The following PHLDB1 variants were observed in gnomAD, a reference collection of about 807,000 sequenced individuals.
The protein encoded by PHLDB1 is pleckstrin homology like domain family B member 1.
PHLDB1 carries 65 observed loss-of-function variants against 139.3 expected under a neutral mutation model. The ratio of observed to expected loss-of-function variants is 0.47; its 90% CI spans 0.38 to 0.57. The LOEUF (loss-of-function observed/expected upper bound fraction) is 0.57. PHLDB1 is among the 20% of genes least tolerant of loss of function. The pLI is 0.00. For synonymous variants in PHLDB1, 679 were observed against 734.5 expected, an observed-to-expected ratio of 0.92 and a Z score of 1.22; for missense variants, 1,624 against 1,839.7, an observed-to-expected ratio of 0.88 and a Z score of 2.14.
chr11:118,611,262 CTGGGGCCACAG>C lies in PHLDB1; in HGVS notation c.-21-2553_-21-2543del, dbSNP rs1483217980. Among the ~76,000 whole-genome samples the C allele has an allele frequency of 6.6e-6, 1 of 152,224 alleles. No homozygotes were observed. Among genetic ancestry groups the C allele is most frequent in the Non-Finnish European group, 1.5e-5 (1 of 68,032 alleles). On this transcript the variant is annotated intron_variant, in intron 1 of 22. Transcript: ENST00000600882. The surrounding 1 kb of genome is among the most constrained non-coding windows in gnomAD (Gnocchi z 4.7). The stretch of plus-strand genomic sequence containing the variant: ...ACTTCTCTTGGATCAGGTTACTGTG[CTGGGGCCACAG>C]CCTCGCACCTCCCAATCTCTCCATC...
intron 18 of PHLDB1, among the ~76,000 whole-genome samples, 194 bp downstream of exon 18, chr11:118,648,270 TGTGTGTG>T (rs1163732480): frequency 6.5e-3 from 20 of 3,088 alleles, no homozygotes; most frequent in South Asian, 0.028. Context: ...CTATTCAAGT[TGTGTGTG>T]TGTGTGTGTG....
intron 15 of PHLDB1, chr11:118,644,611 T>G: frequency 2.4e-6 from 3 of 1,263,032 alleles, no homozygotes; most frequent in Non-Finnish European, 2.1e-6. Flanking sequence ...CCTCTGTGTC[T>G]CTACCGTACC....
Position 118,632,787 on chromosome 11 carries a change from C to T in PHLDB1, c.2379+491C>T. Reference sequence around the variant, plus strand: ...CCTCCCATCCCAGGTGATCCTAGCTCCTGCCCCTGCCCCTTTCAGATTTCG... The same window carrying T: ...CCTCCCATCCCAGGTGATCCTAGCTTCTGCCCCTGCCCCTTTCAGATTTCG... On this transcript the variant is annotated intron_variant, in intron 9 of 22. Coordinates refer to ENST00000600882, the MANE Select transcript of PHLDB1 (RefSeq NM_001144758.3). This position sits in a 1 kb window ranked among gnomAD's most constrained non-coding sequence, Gnocchi z 5.9. 1.1e-6 allele frequency: 1 copy of T among 882,544 alleles called. No homozygotes were observed. The allele number at this position is 882,544 out of a possible 1,614,324, so 54.7% of individuals were successfully genotyped here. A position where few individuals can be genotyped will look rare whatever the true frequency, so the allele number is the denominator to read the frequency against.
Position 118,627,543 on chromosome 11 carries a change from C to T in PHLDB1, c.720C>T (p.Gly240=), listed in dbSNP as rs200250236. ...RYLLSPPTSP[G]AMSVGSSYEN... ...TGCTGTCTCCCCCAACCAGCCCCGGCGCCATGTCTGTGGGCTCCAGCTATG... is the reference window on the plus strand; with the variant it reads ...TGCTGTCTCCCCCAACCAGCCCCGGTGCCATGTCTGTGGGCTCCAGCTATG... The change falls in exon 6 of 23, where the codon GGC becomes GGT. Residue 240 remains glycine, a synonymous_variant. Coordinates refer to ENST00000600882, the MANE Select transcript of PHLDB1 (RefSeq NM_001144758.3). 68 of 1,613,996 alleles carry T rather than the reference C, an allele frequency of 4.2e-5. 1 individual carries two copies. Among genetic ancestry groups the T allele is most frequent in the South Asian group, 2.2e-4 (20 of 91,088 alleles).
At chr11:118,625,933 C>T (rs1159450490) in intron 5 of PHLDB1, among the ~76,000 whole-genome samples, 1 of 152,200 alleles carries the variant, frequency 6.6e-6, no homozygotes, top group African/African-American at 2.4e-5. Flanking sequence ...GGCTCAGAAG[C>T]CTGGGTTCCC....
At chr11:118,607,350 GGTGGTGGTGGTGGTGGTGGTGGTGGTGGT>G (rs1939356359), upstream of PHLDB1, among the ~76,000 whole-genome samples, 2 of 49,020 alleles carry the variant, frequency 4.1e-5, no homozygotes, top group African/African-American at 2.4e-4. Context: ...TGGTGGTGGT[GGTGGTGGTGGTGGTGGTGGTGGTGGTGGT>G]GGTGGTGATG....
Position 118,632,039 on chromosome 11 carries a change from G to A in PHLDB1, c.2227G>A (p.Glu743Lys). The A allele has an allele frequency of 6.2e-7, 1 of 1,614,014 alleles. No homozygotes were observed. The highest frequency in any genetic ancestry group is 2.2e-5 in the East Asian group (1 of 44,866). ...GAAGGAGCTAGAGCAGCAGCTGCAG[G>A]AGTCAGCCCGAGAGGTGAGCCGTGA... is the stretch of plus-strand genomic sequence containing the variant. ...RVKELEQQLQ[E>K]SAREAEMERA... The change falls in exon 8 of 23, where the codon GAG (glutamate) becomes AAG (lysine). Residue 743 changes from glutamate to lysine, a missense_variant. Coordinates refer to ENST00000600882, the MANE Select transcript of PHLDB1 (RefSeq NM_001144758.3). The surrounding 1 kb of genome is among the most constrained non-coding windows in gnomAD (Gnocchi z 5.9).
chr11:118,632,301 C>A lies in PHLDB1; in HGVS notation c.2379+5C>A, dbSNP rs370712253. On this transcript the variant is annotated splice_donor_5th_base_variant and intron_variant, in intron 9 of 22. Transcript: ENST00000600882. The surrounding 1 kb of genome is among the most constrained non-coding windows in gnomAD (Gnocchi z 5.9). ...ATCCAGAAGGAGAGGGACAAGGTAA[C>A]CCACACCTGGCCCAGCTTAGTGCTG... 2.5e-6 allele frequency: 4 copies of A among 1,612,378 alleles called. No homozygotes were observed. The highest frequency in any genetic ancestry group is 2.2e-5 in the East Asian group (1 of 44,884).
chr11:118,611,502 C>G lies in PHLDB1; in HGVS notation c.-21-2314C>G, dbSNP rs1435633716. Among the ~76,000 whole-genome samples, 1 of 152,150 alleles carries G rather than the reference C, an allele frequency of 6.6e-6. No homozygotes were observed. Among genetic ancestry groups the G allele is most frequent in the Non-Finnish European group, 1.5e-5 (1 of 68,038 alleles). On this transcript the variant is annotated intron_variant, in intron 1 of 22. Transcript: ENST00000600882. The surrounding 1 kb of genome is among the most constrained non-coding windows in gnomAD (Gnocchi z 4.7). ...GATAGTGACCAATACTCCAATATGA[C>G]AGATAAATAAACTAACGCCCAGACA...
intron 4 of PHLDB1, among the ~76,000 whole-genome samples, chr11:118,619,151 C>T (rs1942261410): frequency 1.3e-5 from 2 of 152,148 alleles, no homozygotes; most frequent in Admixed American, 6.5e-5. Context: ...GACCACAGCG[C>T]CAGACCACAT....
chr11:118,653,992 G>C (rs1948682315), intron 20 of PHLDB1: 2 of 152,192 alleles, frequency 1.3e-5, no homozygotes. Flanking sequence ...TAGGACTTGG[G>C]ACTCATGCAG....
Position 118,627,749 on chromosome 11 carries a change from A to G in PHLDB1, c.926A>G (p.Glu309Gly). The G allele has an allele frequency of 6.2e-7, 1 of 1,608,316 alleles. No homozygotes were observed. Residue 309 changes from glutamate to glycine, a missense_variant, in exon 6 of 23, where the codon GAG becomes GGG. Coordinates refer to ENST00000600882, the MANE Select transcript of PHLDB1 (RefSeq NM_001144758.3). ...TCCCGCCCAAGTGGTGCTCGCTCCG[A>G]GAGTCCTCGGCTGAGCAGGAAAGGG... ...PQSRPSGARSESPRLSRKGGH... is the reference protein window; with the variant it reads ...PQSRPSGARSGSPRLSRKGGH...
chr11:118,610,882 T>C lies in PHLDB1; in HGVS notation c.-21-2934T>C, dbSNP rs1940088615. On this transcript the variant is annotated intron_variant, in intron 1 of 22. Coordinates refer to ENST00000600882, the MANE Select transcript of PHLDB1 (RefSeq NM_001144758.3). The surrounding 1 kb of genome is among the most constrained non-coding windows in gnomAD (Gnocchi z 8.7). ...CCTTGCGCACAGAGGGCCTTGCCTG[T>C]CGCTCGTCAAATCCAGACACCTGGG... Among the ~76,000 whole-genome samples the C allele has an allele frequency of 6.6e-6, 1 of 152,188 alleles. No homozygotes were observed. The highest frequency in any genetic ancestry group is 2.4e-5 in the African/African-American group (1 of 41,456).
intron 13 of PHLDB1, chr11:118,643,350 C>A: frequency 5.7e-6 from 1 of 175,222 alleles, no homozygotes; most frequent in Non-Finnish European, 1.1e-5. Context: ...CATGCTAGTG[C>A]TGCAGGGGAG....
intron 20 of PHLDB1, chr11:118,654,688 C>T (rs1288844439): frequency 7.1e-6 from 1 of 139,892 alleles, no homozygotes; most frequent in African/African-American, 2.6e-5. Flanking sequence ...GAGTCTGTAT[C>T]TGTATCAGAT....
In PHLDB1 at chr11:118,637,073, C is replaced by A. The variant is rs1387644397; in HGVS notation, c.2535+1525C>A. The A allele has an allele frequency of 2.0e-5, 3 of 152,226 alleles. No homozygotes were observed. The East Asian group carries it at 5.8e-4, about 29-fold the overall frequency. The allele number at this position is 152,226 out of a possible 1,614,324, so 9.4% of individuals were successfully genotyped here. A position where few individuals can be genotyped will look rare whatever the true frequency, so the allele number is the denominator to read the frequency against. On this transcript the variant is annotated intron_variant, in intron 10 of 22. Coordinates refer to ENST00000600882, the MANE Select transcript of PHLDB1 (RefSeq NM_001144758.3). Reference sequence around the variant, plus strand: ...GGTGCCCTGTGCTCCCCTGCCCTTTCCACTCTGATTCAGAGTGACTCAGAG... The same window carrying A: ...GGTGCCCTGTGCTCCCCTGCCCTTTACACTCTGATTCAGAGTGACTCAGAG...
Position 118,632,449 on chromosome 11 carries a change from TC to T in PHLDB1, c.2379+155del. 1 of 807,432 alleles carries T rather than the reference TC, an allele frequency of 1.2e-6. No individual in the cohort carries two copies. Among genetic ancestry groups the T allele is most frequent in the South Asian group, 1.8e-5 (1 of 57,008 alleles). The allele number at this position is 807,432 out of a possible 1,614,324, so 50.0% of individuals were successfully genotyped here. The stretch of plus-strand genomic sequence containing the variant: ...TTTCCAGAGACAGAGTGACTTCTCC[TC>T]CTCTGTGGAAGGAACCAGCTTGGAG... On this transcript the variant is annotated intron_variant, in intron 9 of 22. Transcript: ENST00000600882. This position sits in a 1 kb window ranked among gnomAD's most constrained non-coding sequence, Gnocchi z 5.9.
chr11:118,614,291 CT>C (rs1289546181), intron 2 of PHLDB1, among the ~76,000 whole-genome samples: 1 of 133,534 alleles, frequency 7.5e-6, no homozygotes, highest in Non-Finnish European at 1.6e-5. Context: ...CCCCCCACCC[CT>C]TTCTCCTTGC....
In PHLDB1 at chr11:118,611,348, C is replaced by T. The variant is rs1408115725; in HGVS notation, c.-21-2468C>T. Among the ~76,000 whole-genome samples, 1 of 152,194 alleles carries T rather than the reference C, an allele frequency of 6.6e-6. No homozygotes were observed. The highest frequency in any genetic ancestry group is 2.4e-5 in the African/African-American group (1 of 41,444). The stretch of plus-strand genomic sequence containing the variant: ...CTCTCCTTATCTCTCCCTTTACTTT[C>T]GCCTCCTTATTCTCTTCTCTCCTCT... On this transcript the variant is annotated intron_variant, in intron 1 of 22. Coordinates refer to ENST00000600882, the MANE Select transcript of PHLDB1 (RefSeq NM_001144758.3). The surrounding 1 kb of genome is among the most constrained non-coding windows in gnomAD (Gnocchi z 4.7).
Sources: allele counts gnomAD v4.1 joint callset (sites outside exome capture counted in the v4.1 genomes callset), GRCh38; gene constraint gnomAD v4.1.1; non-coding constraint Gnocchi (gnomAD v3.1); transcripts MANE v1.5; gene names NCBI Gene and HGNC (gene_info 2026-07-23, HGNC 2026-07-21).